Variants in NEGR1 observed in about 807,000 individuals in gnomAD.
NEGR1 encodes IgLON family member 4.
In NEGR1, 10 loss-of-function variants were observed where a neutral mutation model predicts 40.9. The observed-to-expected ratio is 0.24, with a 90% CI of 0.15 to 0.42. The LOEUF is 0.42. Ranked by LOEUF, NEGR1 falls within the 10% of genes least tolerant of loss-of-function variation. The probability of loss-of-function intolerance (pLI) is 1.00; values close to 1 mark genes in which losing one functional copy is unlikely to be tolerated. For synonymous variants in NEGR1, 185 were observed against 166.8 expected (o/e 1.11, Z -0.84); for missense variants, 352 against 438.9 (o/e 0.80, Z 1.77).
chr1:71,936,623 T>C (rs1367701914), intron 1 of NEGR1, among the ~76,000 whole-genome samples: 1 of 151,912 alleles, frequency 6.6e-6, no homozygotes, highest in African/African-American at 2.4e-5. Flanking sequence ...GAAATAGGAA[T>C]TTCAGGGAAC....
chr1:71,929,305 A>G (rs186903418), intron 2 of NEGR1, among the ~76,000 whole-genome samples: 31 of 152,200 alleles, frequency 2.0e-4, no homozygotes, highest in Admixed American at 2.6e-4. Flanking sequence ...AAAGATAAAG[A>G]TATTTTGGGT....
At chr1:71,586,994 C>T (rs960458200) in intron 6 of NEGR1, among the ~76,000 whole-genome samples, 1 of 152,204 alleles carries the variant, frequency 6.6e-6, no homozygotes, top group Non-Finnish European at 1.5e-5. Flanking sequence ...TTGTCTCACA[C>T]AGCACTCTGT....
Position 71,446,687 on chromosome 1 carries a change from G to A in NEGR1, c.941-39117C>T, listed in dbSNP as rs151217681. On this transcript the variant is annotated intron_variant, in intron 6 of 6. Transcript: ENST00000357731. Reference sequence around the variant, plus strand: ...ATTCTTTTACTTCATTCTTCTTTCCGATGTACATTTTAAATTGAAATACAT... The same window carrying A: ...ATTCTTTTACTTCATTCTTCTTTCCAATGTACATTTTAAATTGAAATACAT... Among the ~76,000 whole-genome samples the A allele has an allele frequency of 5.3e-5, 8 of 152,148 alleles. No homozygotes were observed. The East Asian group carries it at 1.2e-3, about 22-fold the overall frequency.
chr1:72,254,426 G>A lies in NEGR1; in HGVS notation c.176+27893C>T, dbSNP rs180936082. Among the ~76,000 whole-genome samples, 279 of 152,218 alleles carry A rather than the reference G, an allele frequency of 1.8e-3. 2 individuals are homozygous for A. Among genetic ancestry groups the A allele is most frequent in the African/African-American group, 6.5e-3 (270 of 41,530 alleles). On this transcript the variant is annotated intron_variant, in intron 1 of 6. Coordinates refer to ENST00000357731, the MANE Select transcript of NEGR1 (RefSeq NM_173808.3). The stretch of plus-strand genomic sequence containing the variant: ...CATTAAGAAAAAGCATATTAGGCCA[G>A]GCGTGGTGGCTCACGCCTGTGATCC...
chr1:71,929,577 A>T (rs981149705), intron 2 of NEGR1, among the ~76,000 whole-genome samples: 5 of 152,138 alleles, frequency 3.3e-5, no homozygotes, highest in Non-Finnish European at 7.4e-5. Context: ...CTGTTTCAAC[A>T]TCTGTAGCTC....
At chr1:71,818,619 C>T (rs1006307364) in intron 2 of NEGR1, among the ~76,000 whole-genome samples, 3 of 151,844 alleles carry the variant, frequency 2.0e-5, no homozygotes, top group African/African-American at 4.8e-5. Flanking sequence ...AATCTGTACA[C>T]CAAACTTCTG....
At chr1:71,838,902 T>C (rs1298097517) in intron 2 of NEGR1, among the ~76,000 whole-genome samples, 1 of 152,078 alleles carries the variant, frequency 6.6e-6, no homozygotes, top group East Asian at 1.9e-4. Flanking sequence ...TAAAGAGATA[T>C]TTTGAATAGT....
rs145209911 is a variant in NEGR1, at chr1:71,986,448, T to A, written c.177-51137A>T. ...TCTGGTCTGGTCCTACAGACTGATC[T>A]TCATCCTCCGCTTCTTCCCAACCCC... On this transcript the variant is annotated intron_variant, in intron 1 of 6. Transcript: ENST00000357731. Among the ~76,000 whole-genome samples, 995 of 152,332 alleles carry A rather than the reference T, an allele frequency of 6.5e-3. 10 individuals are homozygous for A. In the Middle Eastern group the frequency reaches 0.068, roughly 10 times the overall value.
At chr1:71,951,735 A>G (rs927310494) in intron 1 of NEGR1, among the ~76,000 whole-genome samples, 3 of 151,928 alleles carry the variant, frequency 2.0e-5, no homozygotes, top group Non-Finnish European at 4.4e-5. Flanking sequence ...TGCTTTTTAC[A>G]AGGTTAAGCT....
intron 1 of NEGR1, among the ~76,000 whole-genome samples, chr1:72,087,443 T>A (rs922293957): frequency 2.0e-5 from 3 of 150,618 alleles, no homozygotes; most frequent in African/African-American, 7.3e-5. Flanking sequence ...AAAAAAAATA[T>A]ATATATATAT....
intron 1 of NEGR1, among the ~76,000 whole-genome samples, chr1:72,079,270 G>A (rs1647884085): frequency 6.6e-6 from 1 of 151,706 alleles, no homozygotes; most frequent in African/African-American, 2.4e-5. Context: ...ACATATAGTT[G>A]CTTAATAATC....
At chr1:72,278,895 T>C (rs12084329) in intron 1 of NEGR1, among the ~76,000 whole-genome samples, 14,902 of 152,160 alleles carry the variant, frequency 0.098, 2,472 homozygotes, top group African/African-American at 0.34. Flanking sequence ...ATTTTAGACA[T>C]CATATATTTT....
At chr1:72,256,924 G>A (rs888715751) in intron 1 of NEGR1, among the ~76,000 whole-genome samples, 9 of 149,468 alleles carry the variant, frequency 6.0e-5, no homozygotes, top group Non-Finnish European at 1.2e-4. Context: ...GTAACGGCAT[G>A]GTTAACAGAA....
intron 4 of NEGR1, among the ~76,000 whole-genome samples, chr1:71,679,313 C>G (rs147448756): frequency 6.6e-6 from 1 of 152,052 alleles, no homozygotes; most frequent in African/African-American, 2.4e-5. Context: ...ATTTAATTCA[C>G]AGATCAATTT....
chr1:72,171,208 A>G (rs528283119), intron 1 of NEGR1, among the ~76,000 whole-genome samples: 31 of 152,216 alleles, frequency 2.0e-4, no homozygotes, highest in Non-Finnish European at 5.9e-5. Flanking sequence ...AAAAATTAAA[A>G]GAACAAACAG....
At chr1:71,771,863 A>T (rs1656343623) in intron 3 of NEGR1, among the ~76,000 whole-genome samples, 1 of 152,132 alleles carries the variant, frequency 6.6e-6, no homozygotes, top group Admixed American at 6.6e-5. Flanking sequence ...CATCAGTTTG[A>T]TCATCAGAGT....
intron 2 of NEGR1, among the ~76,000 whole-genome samples, chr1:71,927,964 A>T (rs1358887409): frequency 1.4e-5 from 2 of 148,038 alleles, no homozygotes; most frequent in Non-Finnish European, 3.0e-5. Flanking sequence ...GAGCCACTAC[A>T]CTTCAGCCTG....
At chr1:71,782,185 C>A (rs1400642364) in intron 2 of NEGR1, among the ~76,000 whole-genome samples, 1 of 151,972 alleles carries the variant, frequency 6.6e-6, no homozygotes, top group Admixed American at 6.6e-5. Flanking sequence ...GGGATTAGTG[C>A]CCTTATAAAA....
intron 2 of NEGR1, among the ~76,000 whole-genome samples, chr1:71,930,280 T>G (rs1208768578): frequency 6.6e-6 from 1 of 152,160 alleles, no homozygotes; most frequent in Non-Finnish European, 1.5e-5. Context: ...CTGAGATAGC[T>G]CATGGCAGAA....
Sources: allele counts gnomAD v4.1 joint callset (sites outside exome capture counted in the v4.1 genomes callset), GRCh38; gene constraint gnomAD v4.1.1; transcripts MANE v1.5; gene names NCBI Gene and HGNC (gene_info 2026-07-23, HGNC 2026-07-21).